Variants in FMN1 observed in about 807,000 individuals in gnomAD.
FMN1 encodes the protein formin 1.
FMN1 carries 110 observed loss-of-function variants against 132.4 expected under a neutral mutation model. The ratio of observed to expected loss-of-function variants is 0.83; its 90% CI spans 0.71 to 0.97. The LOEUF (loss-of-function observed/expected upper bound fraction) is 0.97, where lower values mean the gene tolerates loss of function less well. Ranked by LOEUF, FMN1 falls within the 50% of genes least tolerant of loss-of-function variation. The pLI, the probability that FMN1 is intolerant of heterozygous loss-of-function variation, is 0.00. For missense variants in FMN1, 1,792 were observed against 1,705.3 expected (o/e 1.05, Z -0.90); for synonymous variants, 722 against 651.7 (o/e 1.11, Z -1.64).
intron 9 of FMN1, among the ~76,000 whole-genome samples, chr15:32,958,131 T>C (rs1483528109): frequency 6.6e-6 from 1 of 152,198 alleles, no homozygotes; most frequent in Admixed American, 6.5e-5. Context: ...GCACATCTTT[T>C]TACTCAAAGA....
intron 16 of FMN1, among the ~76,000 whole-genome samples, chr15:32,867,395 C>G (rs1015526715): frequency 6.6e-6 from 1 of 152,222 alleles, no homozygotes. Flanking sequence ...CAAACATGCT[C>G]ACTTCTTCCC....
At position 32,773,663 on chromosome 15, in the gene FMN1, T is replaced by C. The variant is rs1053086334; in HGVS notation, c.*647A>G. The C allele has an allele frequency of 1.3e-5, 2 of 152,330 alleles. No individual in the cohort carries two copies. The highest frequency in any genetic ancestry group is 2.9e-5 in the Non-Finnish European group (2 of 68,114). The allele number at this position is 152,330 out of a possible 1,614,324, so 9.4% of individuals were successfully genotyped here. On this transcript the variant is annotated 3_prime_UTR_variant, in exon 21 of 21. Coordinates refer to ENST00000616417, the MANE Select transcript of FMN1 (RefSeq NM_001277313.2). ...AACTTGTTCTCCAGGATGAAGTTTA[T>C]GGCTATTTGTCTCCCTCTCTCCACC...
At chr15:32,901,822 G>A (rs964849572) in intron 13 of FMN1, 89 bp downstream of exon 13, 10 of 1,084,268 alleles carry the variant, frequency 9.2e-6, no homozygotes, top group Middle Eastern at 2.1e-4. Context: ...GTCCAAAAAG[G>A]TTTCTATAAT....
chr15:33,067,910 TTC>T lies in FMN1; in HGVS notation c.2044-2838_2044-2837del, dbSNP rs1425634073. ...GTCTCAGTAATGCCCTTGGTGGAAGTTCTGACTTGTGTTACCTTCTCCTGCGC... is the reference window on the plus strand; with the variant it reads ...GTCTCAGTAATGCCCTTGGTGGAAGTTGACTTGTGTTACCTTCTCCTGCGC... On this transcript the variant is annotated intron_variant, in intron 5 of 20. Transcript: ENST00000616417. 3.8e-6 allele frequency: 6 copies of T among 1,581,264 alleles called. No individual in the cohort carries two copies. In the African/African-American group the frequency reaches 8.1e-5, roughly 21 times the overall value.
At chr15:32,972,462 T>C (rs781272825) in intron 7 of FMN1, among the ~76,000 whole-genome samples, 4 of 152,218 alleles carry the variant, frequency 2.6e-5, no homozygotes, top group South Asian at 2.1e-4. Flanking sequence ...CCCCATCCTA[T>C]TGAAACTCCA....
intron 10 of FMN1, among the ~76,000 whole-genome samples, chr15:32,920,433 C>CA (rs1338730799): frequency 6.6e-6 from 1 of 152,110 alleles, no homozygotes; most frequent in African/African-American, 2.4e-5. Flanking sequence ...TTTAGTGATT[C>CA]AGTGTTTTCA....
Position 32,772,190 on chromosome 15 carries a change from G to A in FMN1, c.*2120C>T, listed in dbSNP as rs1367510453. ...TTCTCACTCATTATTCTTCAGCACTGGTTCCTGAAGGGTTACGTGGCCACA... is the reference window on the plus strand; with the variant it reads ...TTCTCACTCATTATTCTTCAGCACTAGTTCCTGAAGGGTTACGTGGCCACA... On this transcript the variant is annotated 3_prime_UTR_variant, in exon 21 of 21. Transcript: ENST00000616417. The A allele has an allele frequency of 6.6e-6, 1 of 152,194 alleles. No individual in the cohort carries two copies. The highest frequency in any genetic ancestry group is 2.4e-5 in the African/African-American group (1 of 41,424). 9.4% of individuals were successfully genotyped at this position (152,194 alleles called of 1,614,324 possible).
At chr15:33,089,366 C>CAA (rs2038823230) in intron 4 of FMN1, among the ~76,000 whole-genome samples, 1 of 152,222 alleles carries the variant, frequency 6.6e-6, no homozygotes, top group Non-Finnish European at 1.5e-5. Context: ...TGTGTGTTCT[C>CAA]CAGGGCAGGA....
chr15:33,127,563 A>C (rs1276975632), intron 4 of FMN1, among the ~76,000 whole-genome samples: 1 of 152,252 alleles, frequency 6.6e-6, no homozygotes, highest in African/African-American at 2.4e-5. Context: ...AACCTTTTAA[A>C]ACAGAAACCA....
At chr15:33,180,401 C>G (rs758566632) in intron 2 of FMN1, 139 bp from the exon 3 acceptor site, 1 of 152,154 alleles carries the variant, frequency 6.6e-6, no homozygotes, top group African/African-American at 2.4e-5. Flanking sequence ...ACAATGCTGA[C>G]CCTTTAAGGT....
chr15:32,907,451 C>T (rs2060454716), intron 12 of FMN1, among the ~76,000 whole-genome samples: 1 of 152,078 alleles, frequency 6.6e-6, no homozygotes, highest in Non-Finnish European at 1.5e-5. Context: ...AGGCGGAGCT[C>T]AGGTGGTAAT....
intron 6 of FMN1, among the ~76,000 whole-genome samples, chr15:33,059,917 C>G (rs991709313): frequency 7.2e-5 from 11 of 152,216 alleles, no homozygotes; most frequent in Admixed American, 3.9e-4. Flanking sequence ...TGATTCCTCT[C>G]CTAAAAGCCA....
At chr15:33,043,435 T>C (rs2036532858) in intron 6 of FMN1, among the ~76,000 whole-genome samples, 1 of 152,210 alleles carries the variant, frequency 6.6e-6, no homozygotes, top group South Asian at 2.1e-4. Flanking sequence ...CACTTCCATT[T>C]CCTGTACATC....
chr15:32,810,789 T>A (rs988503824), intron 17 of FMN1: 5 of 271,556 alleles, frequency 1.8e-5, no homozygotes, highest in Non-Finnish European at 3.0e-5. Context: ...GGGGAAGGGA[T>A]AAGGGTTGGA....
rs560361168 is a variant in FMN1 at position 32,872,004 on chromosome 15, T to G, written c.3836-14897A>C. Among the ~76,000 whole-genome samples, 14 of 151,070 alleles carry G rather than the reference T, an allele frequency of 9.3e-5. No homozygotes were observed. The South Asian group carries it at 2.9e-3, about 32-fold the overall frequency. ...TAGAAATTGGGGATTAATCACAGCATAAAACTAGGTTTGAGGCCTGTGCAT... is the reference window on the plus strand; with the variant it reads ...TAGAAATTGGGGATTAATCACAGCAGAAAACTAGGTTTGAGGCCTGTGCAT... On this transcript the variant is annotated intron_variant, in intron 16 of 20. Coordinates refer to ENST00000616417, the MANE Select transcript of FMN1 (RefSeq NM_001277313.2).
chr15:33,129,967 T>C (rs1963466101), intron 4 of FMN1, among the ~76,000 whole-genome samples: 2 of 152,078 alleles, frequency 1.3e-5, no homozygotes, highest in Admixed American at 1.3e-4. Context: ...CAATTTTTTT[T>C]GTACTTTAGT....
intron 6 of FMN1, among the ~76,000 whole-genome samples, chr15:33,048,010 A>C (rs1412592359): frequency 2.0e-5 from 3 of 152,250 alleles, no homozygotes; most frequent in African/African-American, 7.2e-5. Flanking sequence ...AAGAAAAATA[A>C]GTGCTTAAAT....
At chr15:32,821,307 T>C (rs1162433370) in intron 17 of FMN1, among the ~76,000 whole-genome samples, 2 of 152,042 alleles carry the variant, frequency 1.3e-5, no homozygotes, top group African/African-American at 4.8e-5. Flanking sequence ...ATTTTGTACT[T>C]TTCTTCACCA....
rs140054900 is a variant in FMN1 at position 33,021,015 on chromosome 15, G to C, written c.2162-12940C>G. 3.0e-3 allele frequency among the ~76,000 whole-genome samples: 456 copies of C among 152,264 alleles called. 6 individuals carry two copies. The highest frequency in any genetic ancestry group is 0.01 in the African/African-American group (425 of 41,532). Reference sequence around the variant, plus strand: ...GGCCATATGACTTGTTTTGGCTAGTGGAATATAAGCTGACGTGATGTAAGG... The same window carrying C: ...GGCCATATGACTTGTTTTGGCTAGTCGAATATAAGCTGACGTGATGTAAGG... On this transcript the variant is annotated intron_variant, in intron 6 of 20. Transcript: ENST00000616417.
Sources: allele counts gnomAD v4.1 joint callset (sites outside exome capture counted in the v4.1 genomes callset), GRCh38; gene constraint gnomAD v4.1.1; transcripts MANE v1.5; gene names NCBI Gene and HGNC (gene_info 2026-07-23, HGNC 2026-07-21).